The following ZFYVE26 variants were observed in gnomAD, a reference collection of about 807,000 sequenced individuals.
ZFYVE26 encodes zinc finger FYVE-type containing 26.
ZFYVE26 carries 181 observed loss-of-function variants against 276.5 expected under a neutral mutation model. That is an observed-to-expected ratio of 0.65 (90% CI 0.58 to 0.74). ZFYVE26 has a LOEUF of 0.74. Among genes scored for constraint, ZFYVE26 ranks in the 30% least tolerant of loss-of-function variants. The pLI is 0.00. For synonymous variants in ZFYVE26, 1,129 were observed against 1,203.1 expected, an observed-to-expected ratio of 0.94 and a Z score of 1.27; for missense variants, 2,821 against 3,097.9, an observed-to-expected ratio of 0.91 and a Z score of 2.12.
chr14:67,793,967 G>A (rs183328849), intron 13 of ZFYVE26, among the ~76,000 whole-genome samples: 2 of 152,252 alleles, frequency 1.3e-5, no homozygotes, highest in Non-Finnish European at 2.9e-5. Context: ...CCTTCTTTGG[G>A]TATTTACCTC....
intron 12 of ZFYVE26, chr14:67,797,377 AG>A: frequency 4.8e-6 from 2 of 413,956 alleles, no homozygotes; most frequent in Non-Finnish European, 8.9e-6. Context: ...CTCAATTTAT[AG>A]TATAATACAT....
intron 35 of ZFYVE26, chr14:67,756,466 A>G (rs1034060910): frequency 3.7e-5 from 15 of 404,802 alleles, no homozygotes; most frequent in Non-Finnish European, 6.4e-5. Flanking sequence ...TTAGGTCACC[A>G]GTGACCACTA....
intron 13 of ZFYVE26, 78 bp from the exon 14 acceptor site, chr14:67,793,837 C>G: frequency 1.3e-6 from 2 of 1,589,800 alleles, no homozygotes; most frequent in African/African-American, 2.7e-5. Context: ...CACCTCCCAC[C>G]AAACTTTTAT....
intron 41 of ZFYVE26, 33 bp downstream of exon 41, chr14:67,751,019 G>C (rs1325862537): frequency 6.2e-7 from 1 of 1,613,900 alleles, no homozygotes; most frequent in South Asian, 1.1e-5. Flanking sequence ...CAATTCATTG[G>C]CATCACCAGC....
intron 41 of ZFYVE26, chr14:67,750,639 G>T (rs1296821200): frequency 8.1e-6 from 2 of 245,404 alleles, no homozygotes; most frequent in Non-Finnish European, 1.6e-5. Flanking sequence ...AGTGTGGGGT[G>T]GGGATTTTTT....
chr14:67,751,202 T>A, intron 40 of ZFYVE26, 106 bp from the exon 41 acceptor site: 1 of 1,327,966 alleles, frequency 7.5e-7, no homozygotes, highest in Admixed American at 1.8e-5. Flanking sequence ...AGAATGAAAA[T>A]GTCTGCCTGA....
chr14:67,807,542 T>G lies in ZFYVE26; in HGVS notation c.742A>C (p.Arg248=). 6.2e-7 allele frequency: 1 copy of G among 1,614,210 alleles called. No individual in the cohort carries two copies. The highest frequency in any genetic ancestry group is 8.5e-7 in the Non-Finnish European group (1 of 1,180,020). Reference sequence around the variant, plus strand: ...TCCCGCAGGGGACTCCCCTCGGTCCTGCAGGCCTCTAGTAGTTCCTCACAC... The same window carrying G: ...TCCCGCAGGGGACTCCCCTCGGTCCGGCAGGCCTCTAGTAGTTCCTCACAC... The part of the protein sequence containing the change: ...LLCEELLEAC[R]TEGSPLREER... Residue 248 remains arginine, a synonymous_variant, in exon 5 of 42, where the codon AGG becomes CGG. Coordinates refer to ENST00000347230, the MANE Select transcript of ZFYVE26 (RefSeq NM_015346.4).
At chr14:67,797,569 CA>C (rs1191580040) in intron 12 of ZFYVE26, 102 bp downstream of exon 12, 14 of 1,294,810 alleles carry the variant, frequency 1.1e-5, no homozygotes, top group Non-Finnish European at 1.5e-5. Context: ...GATAATTTTA[CA>C]ACGCTTTTGT....
rs760690790 is a variant in ZFYVE26, at chr14:67,774,994, A to C, written c.5320+22T>G. On this transcript the variant is annotated intron_variant, in intron 27 of 41. Coordinates refer to ENST00000347230, the MANE Select transcript of ZFYVE26 (RefSeq NM_015346.4). ...AAGACTAAACTGAAAAATTTTAGTG[A>C]ATCATCAGAGCCAGTTCTTACCAGG... The C allele has an allele frequency of 1.9e-6, 3 of 1,575,190 alleles. No individual in the cohort carries two copies. In the Admixed American group the frequency reaches 5.3e-5, roughly 28 times the overall value.
At chr14:67,731,187 CTCATCATATTTCTTTCTTTCTTTTT>C (rs2038266465) in intron 13 of ZFYVE26, among the ~76,000 whole-genome samples, 1 of 141,370 alleles carries the variant, frequency 7.1e-6, no homozygotes, top group South Asian at 2.3e-4. Context: ...AATTGTGTTT[CTCATCATATTTCTTTCTTTCTTTTT>C]TTTTTTTTTT....
rs141873655 is a variant in ZFYVE26, at chr14:67,806,137, T to C, written c.1017+408A>G. Reference sequence around the variant, plus strand: ...ACTTCTGTTGTAACTCCAGCTCCTATTACAGTACATGGCACAGAGGATGAG... The same window carrying C: ...ACTTCTGTTGTAACTCCAGCTCCTACTACAGTACATGGCACAGAGGATGAG... On this transcript the variant is annotated intron_variant, in intron 6 of 41. Coordinates refer to ENST00000347230, the MANE Select transcript of ZFYVE26 (RefSeq NM_015346.4). 1.1e-4 allele frequency among the ~76,000 whole-genome samples: 17 copies of C among 152,330 alleles called. No homozygotes were observed. The East Asian group carries it at 3.1e-3, about 28-fold the overall frequency.
intron 39 of ZFYVE26, 139 bp from the exon 40 acceptor site, chr14:67,752,665 C>T: frequency 1.0e-6 from 1 of 972,246 alleles, no homozygotes; most frequent in South Asian, 1.4e-5. Context: ...CATAAATATA[C>T]CAAACAAAAA....
At chr14:67,802,666 G>A (rs987620423) in intron 9 of ZFYVE26, among the ~76,000 whole-genome samples, 1 of 152,124 alleles carries the variant, frequency 6.6e-6, no homozygotes, top group Non-Finnish European at 1.5e-5. Context: ...GTGCCCCAGT[G>A]GGTCCAGGGA....
Position 67,797,659 on chromosome 14 carries a change from C to T in ZFYVE26, c.2332+13G>A, listed in dbSNP as rs746704535. The T allele has an allele frequency of 6.2e-7, 1 of 1,613,484 alleles. No homozygotes were observed. The highest frequency in any genetic ancestry group is 1.1e-5 in the South Asian group (1 of 90,982). On this transcript the variant is annotated intron_variant, in intron 12 of 41. Transcript: ENST00000347230. Reference sequence around the variant, plus strand: ...CACTTGCCTAGTGCATGGGAATGAGCTCTTCAGATTACCTGCCTGGCTCCT... The same window carrying T: ...CACTTGCCTAGTGCATGGGAATGAGTTCTTCAGATTACCTGCCTGGCTCCT...
At chr14:67,795,661 G>A (rs2039936529) in intron 12 of ZFYVE26, among the ~76,000 whole-genome samples, 1 of 152,030 alleles carries the variant, frequency 6.6e-6, no homozygotes, top group South Asian at 2.1e-4. Context: ...AACACCAAAA[G>A]CCATAATGAA....
At position 67,769,699 on chromosome 14, in the gene ZFYVE26, C is replaced by A. The variant is rs764425435; in HGVS notation, c.5516G>T (p.Gly1839Val). 3 of 1,614,102 alleles carry A rather than the reference C, an allele frequency of 1.9e-6. No homozygotes were observed. Among genetic ancestry groups the A allele is most frequent in the Non-Finnish European group, 2.5e-6 (3 of 1,180,004 alleles). Residue 1839 changes from glycine (G) to valine (V), a missense_variant, in exon 29 of 42, where the codon GGC (glycine) becomes GTC (valine). By Grantham distance (109) the Gly-to-Val change is moderately radical. Coordinates refer to ENST00000347230, the MANE Select transcript of ZFYVE26 (RefSeq NM_015346.4). Reference protein sequence around the residue: ...FNRRHHCRRCGRLVCSSCSTK... With the variant: ...FNRRHHCRRCVRLVCSSCSTK... Reference sequence around the variant, plus strand: ...GGAGCAGGAGCTGCACACTAGCCGGCCACAGCGGCGACAATGATGACGCCT... The same window carrying A: ...GGAGCAGGAGCTGCACACTAGCCGGACACAGCGGCGACAATGATGACGCCT...
intron 13 of ZFYVE26, among the ~76,000 whole-genome samples, chr14:67,738,493 T>C (rs2038377644): frequency 6.6e-6 from 1 of 150,680 alleles, no homozygotes; most frequent in Non-Finnish European, 1.5e-5. Context: ...CCAAAAATCA[T>C]TATATTAAAA....
At position 67,804,087 on chromosome 14, in the gene ZFYVE26, C is replaced by G; in HGVS notation, c.1435+14G>C. On this transcript the variant is annotated intron_variant, in intron 9 of 41. Coordinates refer to ENST00000347230, the MANE Select transcript of ZFYVE26 (RefSeq NM_015346.4). ...AAGAGGAAATCCTGGCCAGGTCATTCCATCCCAACTCACCAGGCTCTTGCT... is the reference window on the plus strand; with the variant it reads ...AAGAGGAAATCCTGGCCAGGTCATTGCATCCCAACTCACCAGGCTCTTGCT... 6.2e-7 allele frequency: 1 copy of G among 1,613,846 alleles called. No individual in the cohort carries two copies. Among genetic ancestry groups the G allele is most frequent in the Non-Finnish European group, 8.5e-7 (1 of 1,180,018 alleles).
At chr14:67,797,560 A>G (rs965826226) in intron 12 of ZFYVE26, 112 bp downstream of exon 12, 36 of 1,210,462 alleles carry the variant, frequency 3.0e-5, no homozygotes, top group Middle Eastern at 3.8e-4. Flanking sequence ...TGGGAATAGG[A>G]TAATTTTACA....
Sources: gnomAD v4.1 joint callset for allele counts (sites outside exome capture counted in the v4.1 genomes callset) on GRCh38, gnomAD v4.1.1 for gene constraint, MANE v1.5 for transcripts, NCBI Gene and HGNC (gene_info 2026-07-23, HGNC 2026-07-21) for gene names.